ADGRL2: variants seen among roughly 807,000 people sequenced by gnomAD.
ADGRL2 encodes the protein adhesion G protein-coupled receptor L2.
Under a neutral mutation model 157.4 loss-of-function variants are expected in ADGRL2, and 44 were observed. The observed-to-expected ratio is 0.28, with a 90% CI of 0.22 to 0.36. ADGRL2 has a LOEUF of 0.36. Ranked by LOEUF, ADGRL2 falls within the 10% of genes least tolerant of loss-of-function variation. ADGRL2 has a pLI of 1.00. For synonymous variants in ADGRL2, 585 were observed against 624.7 expected, an observed-to-expected ratio of 0.94 and a Z score of 0.95; for missense variants, 1,510 against 1,768.9, an observed-to-expected ratio of 0.85 and a Z score of 2.63.
At chr1:81,717,843 A>G (rs2084167346) in intron 1 of ADGRL2, among the ~76,000 whole-genome samples, 1 of 152,202 alleles carries the variant, frequency 6.6e-6, no homozygotes, top group Admixed American at 6.5e-5. Context: ...GTCATTGACT[A>G]TTGCTAAGAA....
chr1:81,497,598 G>T lies in ADGRL2; in HGVS notation c.-248+52509G>T, dbSNP rs530901868. 9.2e-5 allele frequency among the ~76,000 whole-genome samples: 14 copies of T among 152,202 alleles called. No homozygotes were observed. The East Asian group carries it at 2.7e-3, about 29-fold the overall frequency. On this transcript the variant is annotated intron_variant, in intron 2 of 24. Transcript: ENST00000370721. ...ACAATTTTATGTTGTGATATATCTA[G>T]ATTCAAATCCTAGGACTACCTGTTA...
At chr1:81,390,488 A>T (rs896762761) in intron 1 of ADGRL2, among the ~76,000 whole-genome samples, 87 of 152,364 alleles carry the variant, frequency 5.7e-4, no homozygotes, top group African/African-American at 2.1e-3. Flanking sequence ...ATGCAATTTC[A>T]ATTTTTAAGA....
intron 3 of ADGRL2, among the ~76,000 whole-genome samples, chr1:81,909,502 T>G (rs540188824): frequency 2.6e-5 from 4 of 152,324 alleles, no homozygotes; most frequent in African/African-American, 9.6e-5. Flanking sequence ...TTTACCAGAT[T>G]AAACACTTTC....
At chr1:81,673,693 T>G (rs2082923559) in intron 3 of ADGRL2, among the ~76,000 whole-genome samples, 1 of 151,834 alleles carries the variant, frequency 6.6e-6, no homozygotes, top group Admixed American at 6.6e-5. Context: ...TTTTTTGTAT[T>G]TTTTTAGTAG....
At chr1:81,577,007 A>G (rs1329773513) in intron 2 of ADGRL2, among the ~76,000 whole-genome samples, 2 of 152,164 alleles carry the variant, frequency 1.3e-5, no homozygotes, top group African/African-American at 4.8e-5. Flanking sequence ...CTCTTGAAGT[A>G]GCTTTGCTTT....
intron 3 of ADGRL2, among the ~76,000 whole-genome samples, chr1:81,621,278 G>A (rs909637224): frequency 3.3e-5 from 5 of 152,138 alleles, no homozygotes; most frequent in Non-Finnish European, 5.9e-5. Context: ...GGCAGATTCC[G>A]AGATGGCTCC....
chr1:81,655,961 G>C (rs1452727198), intron 3 of ADGRL2, among the ~76,000 whole-genome samples: 2 of 152,160 alleles, frequency 1.3e-5, no homozygotes, highest in Non-Finnish European at 2.9e-5. Context: ...GACTGCCAGA[G>C]GCATTTGGGA....
At chr1:81,800,228 T>A (rs1571270630), upstream of ADGRL2, among the ~76,000 whole-genome samples, 1 of 152,266 alleles carries the variant, frequency 6.6e-6, no homozygotes, top group South Asian at 2.1e-4. Flanking sequence ...TTGTGAAATA[T>A]AGTCAATAAA....
chr1:81,819,573 T>C (rs1393030698), intron 1 of ADGRL2, among the ~76,000 whole-genome samples: 1 of 152,204 alleles, frequency 6.6e-6, no homozygotes, highest in Non-Finnish European at 1.5e-5. Flanking sequence ...GTTTAAGTGA[T>C]ACTAATTTTT....
intron 1 of ADGRL2, among the ~76,000 whole-genome samples, chr1:81,827,527 C>CT (rs2091593968): frequency 6.6e-6 from 1 of 152,212 alleles, no homozygotes; most frequent in Non-Finnish European, 1.5e-5. Context: ...CCCGAACACT[C>CT]TAAGGTATAC....
chr1:81,786,407 G>A (rs1462864307), intron 2 of ADGRL2, among the ~76,000 whole-genome samples: 1 of 152,050 alleles, frequency 6.6e-6, no homozygotes, highest in Non-Finnish European at 1.5e-5. Flanking sequence ...GTAAAACCTT[G>A]TCTCTACTAA....
Position 81,981,928 on chromosome 1 carries a change from T to A in ADGRL2, c.3234T>A (p.Ala1078=). The A allele has an allele frequency of 6.2e-7, 1 of 1,612,354 alleles. No individual in the cohort carries two copies. The highest frequency in any genetic ancestry group is 1.3e-5 in the African/African-American group (1 of 74,902). The change falls in exon 19 of 24, where the codon GCT becomes GCA. Residue 1078 remains alanine, a synonymous_variant. Transcript: ENST00000686636. Reference sequence around the variant, plus strand: ...CATATCTCTTCACTATATTTAATGCTTTCCAGGGAGTGTTCATTTTCATCT... The same window carrying A: ...CATATCTCTTCACTATATTTAATGCATTCCAGGGAGTGTTCATTTTCATCT... ...VMAYLFTIFN[A]FQGVFIFIFH...
chr1:81,787,020 G>C (rs1178216400), intron 2 of ADGRL2, among the ~76,000 whole-genome samples: 1 of 152,068 alleles, frequency 6.6e-6, no homozygotes, highest in Non-Finnish European at 1.5e-5. Context: ...TCTCGTGGTA[G>C]TGAATAAGTC....
At chr1:81,485,515 T>C (rs1415843115) in intron 2 of ADGRL2, among the ~76,000 whole-genome samples, 2 of 152,320 alleles carry the variant, frequency 1.3e-5, no homozygotes, top group African/African-American at 2.4e-5. Context: ...ATATAAATGG[T>C]ATTTCATATA....
At chr1:81,944,499 G>A (rs1649130485) in intron 6 of ADGRL2, among the ~76,000 whole-genome samples, 1 of 152,002 alleles carries the variant, frequency 6.6e-6, no homozygotes, top group African/African-American at 2.4e-5. Flanking sequence ...GTTCAGTTTT[G>A]TGGGAAATAA....
At chr1:81,483,061 G>A (rs75868632) in intron 2 of ADGRL2, among the ~76,000 whole-genome samples, 2,796 of 152,032 alleles carry the variant, frequency 0.018, 74 homozygotes, top group East Asian at 0.13. Context: ...TGACAACTGC[G>A]TGATATTAAG....
intron 3 of ADGRL2, chr1:81,585,863 C>T (rs1253428708): frequency 6.6e-6 from 1 of 151,814 alleles, no homozygotes; most frequent in East Asian, 1.9e-4. Context: ...TAAATGCACA[C>T]AACACACACA....
intron 6 of ADGRL2, among the ~76,000 whole-genome samples, chr1:81,949,087 TTTA>T (rs1650904292): frequency 6.6e-6 from 1 of 152,208 alleles, no homozygotes; most frequent in Non-Finnish European, 1.5e-5. Context: ...ATAAGTTGAT[TTTA>T]TTAAGATGAT....
intron 2 of ADGRL2, among the ~76,000 whole-genome samples, chr1:81,522,300 T>G (rs561420578): frequency 6.6e-6 from 1 of 152,020 alleles, no homozygotes; most frequent in East Asian, 1.9e-4. Context: ...TTTAATAAAA[T>G]CAGTGCTAGG....
Sources: gnomAD v4.1 joint callset for allele counts (sites outside exome capture counted in the v4.1 genomes callset) on GRCh38, gnomAD v4.1.1 for gene constraint, MANE v1.5 for transcripts, NCBI Gene and HGNC (gene_info 2026-07-23, HGNC 2026-07-21) for gene names.